Variants in FYN observed in about 807,000 individuals in gnomAD.
The protein encoded by FYN is tyrosine-protein kinase Fyn.
Under a neutral mutation model 70.2 loss-of-function variants are expected in FYN, and 10 were observed. The observed-to-expected ratio is 0.14, with a 90% CI of 0.09 to 0.24. The LOEUF (loss-of-function observed/expected upper bound fraction) is 0.24. FYN is among the 10% of genes least tolerant of loss of function. The pLI is 1.00. For synonymous variants in FYN, 236 were observed against 248.6 expected (o/e 0.95, Z 0.48); for missense variants, 319 against 673.1 (o/e 0.47, Z 5.82).
chr6:111,821,473 A>C (rs1772660441), intron 2 of FYN, among the ~76,000 whole-genome samples: 2 of 152,318 alleles, frequency 1.3e-5, no homozygotes, highest in South Asian at 4.1e-4. Flanking sequence ...CACCTTATAC[A>C]AAAATTAATT....
chr6:111,775,291 T>C (rs150997854), intron 3 of FYN, among the ~76,000 whole-genome samples: 10 of 152,330 alleles, frequency 6.6e-5, no homozygotes, highest in African/African-American at 2.2e-4. Flanking sequence ...TGAAAGCAGA[T>C]GGCAAATACT....
intron 3 of FYN, among the ~76,000 whole-genome samples, chr6:111,759,600 C>G (rs79192451): frequency 2.2e-3 from 328 of 152,276 alleles, no homozygotes; most frequent in South Asian, 2.9e-3. Flanking sequence ...TGGTTCCCCC[C>G]CTAGGGGTTC....
At chr6:111,826,701 C>T (rs75070557) in intron 2 of FYN, among the ~76,000 whole-genome samples, 72 of 152,252 alleles carry the variant, frequency 4.7e-4, no homozygotes, top group African/African-American at 1.7e-3. Flanking sequence ...GGACATATCC[C>T]CTTCTAACAA....
intron 3 of FYN, among the ~76,000 whole-genome samples, chr6:111,771,141 C>T (rs1053422223): frequency 6.6e-6 from 1 of 152,116 alleles, no homozygotes; most frequent in Non-Finnish European, 1.5e-5. Context: ...GATCTTTAGC[C>T]TCTGCCTGGA....
At chr6:111,802,454 A>G (rs996682948) in intron 2 of FYN, among the ~76,000 whole-genome samples, 2 of 151,414 alleles carry the variant, frequency 1.3e-5, no homozygotes, top group Non-Finnish European at 2.9e-5. Context: ...TTTCTTTGAG[A>G]CAGAGTCTCG....
chr6:111,781,419 C>T (rs1400164561), intron 2 of FYN, among the ~76,000 whole-genome samples: 1 of 152,180 alleles, frequency 6.6e-6, no homozygotes, highest in African/African-American at 2.4e-5. Flanking sequence ...AGTTTCTTCC[C>T]TTCCCATCCA....
rs574150767 is a variant in FYN, at chr6:111,787,045, G to A, written c.-81-6410C>T. ...GTTCGCTCTGATGGTAGTTTCTTTT[G>A]CTGTGCAGAAGCTCTTTAGTTTAAT... On this transcript the variant is annotated intron_variant, in intron 2 of 13. Coordinates refer to ENST00000354650, the MANE Select transcript of FYN (RefSeq NM_002037.5). Among the ~76,000 whole-genome samples the A allele has an allele frequency of 2.4e-3, 358 of 152,252 alleles. 3 individuals carry two copies. The highest frequency in any genetic ancestry group is 7.9e-3 in the African/African-American group (330 of 41,530).
At position 111,779,121 on chromosome 6, in the gene FYN, A is replaced by ATTT. The variant is rs397934539; in HGVS notation, c.-12+1442_-12+1444dup. Among the ~76,000 whole-genome samples, 127 of 91,476 alleles carry ATTT rather than the reference A, an allele frequency of 1.4e-3. 2 individuals are homozygous for ATTT. Among genetic ancestry groups the ATTT allele is most frequent in the South Asian group, 1.7e-3 (4 of 2,386 alleles). 60.0% of individuals were successfully genotyped at this position (91,476 alleles called of 152,430 possible). A position where few individuals can be genotyped will look rare whatever the true frequency, so the allele number is the denominator to read the frequency against. Reference sequence around the variant, plus strand: ...CCCTTGTCAGGGATCAGTAGGAGACATTTTTTTTTTTTTTTTTTTTTTTTT... The same window carrying ATTT: ...CCCTTGTCAGGGATCAGTAGGAGACATTTTTTTTTTTTTTTTTTTTTTTTTTTT... On this transcript the variant is annotated intron_variant, in intron 3 of 13. Transcript: ENST00000354650.
chr6:111,786,840 T>C (rs1771408160), intron 2 of FYN, among the ~76,000 whole-genome samples: 1 of 152,258 alleles, frequency 6.6e-6, no homozygotes, highest in Non-Finnish European at 1.5e-5. Context: ...TTTTCATGTG[T>C]CTGTTGGCTG....
At chr6:111,863,666 T>G (rs1774026722) in intron 1 of FYN, among the ~76,000 whole-genome samples, 1 of 152,200 alleles carries the variant, frequency 6.6e-6, no homozygotes, top group Non-Finnish European at 1.5e-5. Context: ...AAGCCTACTA[T>G]TTTTGGATAC....
At chr6:111,733,719 GC>G (rs1801571861) in intron 3 of FYN, among the ~76,000 whole-genome samples, 1 of 152,196 alleles carries the variant, frequency 6.6e-6, no homozygotes, top group Non-Finnish European at 1.5e-5. Flanking sequence ...CTGGAACCAG[GC>G]TGCTGAGTAG....
chr6:111,766,031 T>C (rs1803216929), intron 3 of FYN, among the ~76,000 whole-genome samples: 1 of 152,080 alleles, frequency 6.6e-6, no homozygotes, highest in African/African-American at 2.4e-5. Flanking sequence ...ACAGGAGCCT[T>C]GAGAAGTTCT....
rs1771136559 is a variant in FYN, at chr6:111,780,561, C to T, written c.-12+5G>A. On this transcript the variant is annotated splice_donor_5th_base_variant and intron_variant, in intron 3 of 13. Coordinates refer to ENST00000354650, the MANE Select transcript of FYN (RefSeq NM_002037.5). The stretch of plus-strand genomic sequence containing the variant: ...GGCATTAGAAGTAAATGCAGCAACA[C>T]TTACCAAAATGTCCGCCAACGATCA... 6.6e-6 allele frequency: 1 copy of T among 152,648 alleles called. No homozygotes were observed. 9.5% of individuals were successfully genotyped at this position (152,648 alleles called of 1,614,324 possible). A position where few individuals can be genotyped will look rare whatever the true frequency, so the allele number is the denominator to read the frequency against.
At chr6:111,850,133 A>G (rs968248591) in intron 1 of FYN, among the ~76,000 whole-genome samples, 1 of 152,214 alleles carries the variant, frequency 6.6e-6, no homozygotes, top group Non-Finnish European at 1.5e-5. Flanking sequence ...AAGAGATTCA[A>G]TACATTAGGG....
intron 12 of FYN, among the ~76,000 whole-genome samples, chr6:111,690,014 T>C (rs892793189): frequency 1.3e-5 from 2 of 152,182 alleles, no homozygotes; most frequent in Non-Finnish European, 2.9e-5. Flanking sequence ...TAAATCAACA[T>C]TAGTCGGCAC....
intron 3 of FYN, among the ~76,000 whole-genome samples, chr6:111,780,002 C>T (rs773211092): frequency 2.0e-5 from 3 of 151,980 alleles, no homozygotes; most frequent in Admixed American, 6.6e-5. Context: ...CATTTTAACC[C>T]GGGTCTCCTG....
intron 4 of FYN, among the ~76,000 whole-genome samples, chr6:111,718,396 GTAGCCTCTTAAAC>G (rs1800771954): frequency 6.6e-6 from 1 of 152,322 alleles, no homozygotes; most frequent in South Asian, 2.1e-4. Flanking sequence ...AAGGGATCAG[GTAGCCTCTTAAAC>G]AAAGACTCCT....
intron 3 of FYN, among the ~76,000 whole-genome samples, chr6:111,761,876 G>C (rs770672957): frequency 1.3e-5 from 2 of 152,168 alleles, no homozygotes; most frequent in Non-Finnish European, 2.9e-5. Flanking sequence ...CCCCTGGACA[G>C]GCTATCTGCA....
intron 3 of FYN, among the ~76,000 whole-genome samples, chr6:111,737,194 C>A (rs1308494541): frequency 6.6e-6 from 1 of 152,198 alleles, no homozygotes; most frequent in African/African-American, 2.4e-5. Context: ...ACATATCAAG[C>A]AAGCAAGCAA....
Sources: allele counts gnomAD v4.1 joint callset (sites outside exome capture counted in the v4.1 genomes callset), GRCh38; gene constraint gnomAD v4.1.1; transcripts MANE v1.5; gene names NCBI Gene and HGNC (gene_info 2026-07-23, HGNC 2026-07-21).